The following EXOC6B variants were observed in gnomAD, a reference collection of about 807,000 sequenced individuals.
The protein encoded by EXOC6B is exocyst complex component 6B, also known as SEC15 homolog B.
Under a neutral mutation model 113.5 loss-of-function variants are expected in EXOC6B, and 54 were observed. The observed-to-expected ratio is 0.48, with a 90% confidence interval of 0.38 to 0.60. EXOC6B has a LOEUF of 0.60. Among genes scored for constraint, EXOC6B ranks in the 20% least tolerant of loss-of-function variants. EXOC6B has a pLI of 0.00. For synonymous variants in EXOC6B, 357 were observed against 339.0 expected (o/e 1.05, Z -0.58); for missense variants, 797 against 977.5 (o/e 0.82, Z 2.46).
At chr2:72,699,477 CAAAA>C (rs59106937) in intron 6 of EXOC6B, among the ~76,000 whole-genome samples, 1 of 62,828 alleles carries the variant, frequency 1.6e-5, no homozygotes, top group Admixed American at 1.9e-4. Context: ...GACTCCGTCT[CAAAA>C]AAAAAAAAAA....
At chr2:72,486,230 G>A (rs1449892260) in intron 16 of EXOC6B, among the ~76,000 whole-genome samples, 1 of 152,064 alleles carries the variant, frequency 6.6e-6, no homozygotes, top group Non-Finnish European at 1.5e-5. Context: ...TTAGCTGGGT[G>A]TGGTGGCACA....
intron 20 of EXOC6B, among the ~76,000 whole-genome samples, chr2:72,226,946 TTAGA>T (rs1373383962): frequency 2.0e-5 from 3 of 152,164 alleles, no homozygotes; most frequent in Non-Finnish European, 2.9e-5. Context: ...AGCAAATTTG[TTAGA>T]TAGGTAGGAA....
At chr2:72,229,200 G>T (rs1681453052) in intron 20 of EXOC6B, among the ~76,000 whole-genome samples, 1 of 152,124 alleles carries the variant, frequency 6.6e-6, no homozygotes, top group African/African-American at 2.4e-5. Flanking sequence ...CTTTAATGGG[G>T]AGGAGGAAAA....
At chr2:72,323,503 A>T (rs1687960871) in intron 20 of EXOC6B, among the ~76,000 whole-genome samples, 1 of 152,220 alleles carries the variant, frequency 6.6e-6, no homozygotes, top group Non-Finnish European at 1.5e-5. Flanking sequence ...CCAAAGGATT[A>T]TAAATCATTC....
intron 19 of EXOC6B, among the ~76,000 whole-genome samples, chr2:72,343,115 T>G (rs1689133342): frequency 6.6e-6 from 1 of 152,208 alleles, no homozygotes; most frequent in Non-Finnish European, 1.5e-5. Flanking sequence ...TTCTAATGTA[T>G]TCTTCTCTTA....
intron 18 of EXOC6B, among the ~76,000 whole-genome samples, chr2:72,424,771 A>G (rs1322347717): frequency 6.6e-6 from 1 of 152,140 alleles, no homozygotes; most frequent in Non-Finnish European, 1.5e-5. Flanking sequence ...ATATCTAATT[A>G]TCAGGATTAC....
chr2:72,814,773 C>T (rs1268165308), intron 1 of EXOC6B, among the ~76,000 whole-genome samples: 4 of 151,686 alleles, frequency 2.6e-5, no homozygotes, highest in Non-Finnish European at 2.9e-5. Flanking sequence ...AGGTGGATCA[C>T]GACGTCAGGA....
intron 18 of EXOC6B, among the ~76,000 whole-genome samples, chr2:72,454,255 G>C (rs1249231857): frequency 1.3e-5 from 2 of 152,074 alleles, no homozygotes; most frequent in African/African-American, 4.8e-5. Context: ...TATAATCCTA[G>C]CACTGCGGGA....
At chr2:72,214,370 A>G (rs889785119) in intron 20 of EXOC6B, among the ~76,000 whole-genome samples, 5 of 151,930 alleles carry the variant, frequency 3.3e-5, no homozygotes, top group East Asian at 3.9e-4. Flanking sequence ...GGGCACCTGT[A>G]GTCCCAGCTA....
chr2:72,402,099 G>T (rs910422348), intron 18 of EXOC6B, among the ~76,000 whole-genome samples: 2 of 151,926 alleles, frequency 1.3e-5, no homozygotes, highest in African/African-American at 2.4e-5. Context: ...TAAATGTTTG[G>T]TAGAATTCTC....
At chr2:72,366,728 A>G (rs1690647515) in intron 19 of EXOC6B, among the ~76,000 whole-genome samples, 2 of 152,052 alleles carry the variant, frequency 1.3e-5, no homozygotes. Flanking sequence ...AAAGATAACA[A>G]AAAGCTTATC....
intron 20 of EXOC6B, among the ~76,000 whole-genome samples, chr2:72,330,551 A>G (rs1453387494): frequency 3.9e-5 from 6 of 152,174 alleles, no homozygotes; most frequent in African/African-American, 1.4e-4. Context: ...TCCCTTAACA[A>G]TGCTTGACTT....
chr2:72,536,701 G>A (rs1392147313), intron 8 of EXOC6B, among the ~76,000 whole-genome samples: 1 of 152,090 alleles, frequency 6.6e-6, no homozygotes, highest in Non-Finnish European at 1.5e-5. Context: ...AAATATAAGA[G>A]AGCTTCTTTG....
At chr2:72,181,083 C>A (rs1678054177) in intron 21 of EXOC6B, among the ~76,000 whole-genome samples, 1 of 151,920 alleles carries the variant, frequency 6.6e-6, no homozygotes, top group South Asian at 2.1e-4. Context: ...GTGGCAGGTG[C>A]CTGTAGTCCC....
At chr2:72,456,355 CA>C (rs1697232229) in intron 18 of EXOC6B, among the ~76,000 whole-genome samples, 1 of 152,052 alleles carries the variant, frequency 6.6e-6, no homozygotes, top group African/African-American at 2.4e-5. Context: ...ACATATGACT[CA>C]AAAATGATTG....
At chr2:72,766,641 C>T (rs2104924560) in intron 1 of EXOC6B, among the ~76,000 whole-genome samples, 1 of 151,940 alleles carries the variant, frequency 6.6e-6, no homozygotes, top group Non-Finnish European at 1.5e-5. Flanking sequence ...GGTTTACCAG[C>T]AAATAAGTCA....
rs765619390 is a variant in EXOC6B, at chr2:72,465,201, C to T, written c.1939G>A (p.Ala647Thr). 1.2e-6 allele frequency: 2 copies of T among 1,612,226 alleles called. No homozygotes were observed. The highest frequency in any genetic ancestry group is 1.7e-6 in the Non-Finnish European group (2 of 1,179,178). The change falls in exon 18 of 22, where the codon GCC becomes ACC. Residue 647 changes from alanine to threonine, a missense_variant. By Grantham distance (58) the Ala-to-Thr change is moderately conservative. Coordinates refer to ENST00000272427, the MANE Select transcript of EXOC6B (RefSeq NM_015189.3). ...ACAGCAAAGGTGCTACGAAGAAAGG[C>T]AATGAGGTCTACCAGGTAATCACTA... Reference protein sequence around the residue: ...KASDYLVDLIAFLRSTFAVFT... With the variant: ...KASDYLVDLITFLRSTFAVFT...
intron 18 of EXOC6B, among the ~76,000 whole-genome samples, chr2:72,460,362 C>A (rs1238364423): frequency 3.3e-5 from 5 of 151,998 alleles, no homozygotes; most frequent in Non-Finnish European, 7.4e-5. Context: ...CAAATGGGAT[C>A]TCATTAAACT....
chr2:72,644,997 T>A (rs1486594139), intron 6 of EXOC6B, among the ~76,000 whole-genome samples: 2 of 152,036 alleles, frequency 1.3e-5, no homozygotes, highest in African/African-American at 4.8e-5. Context: ...GACTGGCAAA[T>A]TGGATAGAGT....
Sources: gnomAD v4.1 joint callset for allele counts (sites outside exome capture counted in the v4.1 genomes callset) on GRCh38, gnomAD v4.1.1 for gene constraint, MANE v1.5 for transcripts, NCBI Gene and HGNC (gene_info 2026-07-23, HGNC 2026-07-21) for gene names.